Variants in RNF17 observed in about 807,000 individuals in gnomAD.
RNF17 encodes spermatogenesis associated 23.
In RNF17, 31 loss-of-function variants were observed where a neutral mutation model predicts 200.5. The ratio of observed to expected loss-of-function variants is 0.15; its 90% CI spans 0.12 to 0.21. RNF17 has a LOEUF of 0.21. RNF17 is among the 10% of genes least tolerant of loss of function. RNF17 has a pLI of 1.00. For synonymous variants in RNF17, 606 were observed against 637.8 expected, an observed-to-expected ratio of 0.95 and a Z score of 0.75; for missense variants, 1,628 against 1,905.1, an observed-to-expected ratio of 0.85 and a Z score of 2.71.
In RNF17 at chr13:24,802,397, A is replaced by G; in HGVS notation, c.1775A>G (p.Glu592Gly). 1 of 1,612,394 alleles carries G rather than the reference A, an allele frequency of 6.2e-7. No homozygotes were observed. Among genetic ancestry groups the G allele is most frequent in the Non-Finnish European group, 8.5e-7 (1 of 1,179,360 alleles). The part of the protein sequence containing the change: ...VPQNSNEGWE[E>G]EAKVEFLKMV... ...CTTGCACAGAATGAAGGCTGGGAAG[A>G]GGAAGCTAAAGTGGAATTTTTGAAA... The change falls in exon 14 of 36, where the codon GAG becomes GGG. Residue 592 changes from glutamate to glycine, a missense_variant. By Grantham distance (98) the Glu-to-Gly change is moderately conservative. This residue lies in a region of RNF17 where 289 missense variants were observed against 384.9 expected (regional missense o/e 0.75). Coordinates refer to ENST00000255324, the MANE Select transcript of RNF17 (RefSeq NM_031277.3).
At chr13:24,840,396 G>A (rs1309151076) in intron 18 of RNF17, among the ~76,000 whole-genome samples, 1 of 152,128 alleles carries the variant, frequency 6.6e-6, no homozygotes, top group African/African-American at 2.4e-5. Context: ...AGGAAAAGAA[G>A]TCATTATTCG....
intron 33 of RNF17, among the ~76,000 whole-genome samples, chr13:24,875,384 C>A (rs185610104): frequency 6.6e-4 from 101 of 152,202 alleles, no homozygotes; most frequent in Non-Finnish European, 1.2e-3. Context: ...GAAGATGAAG[C>A]CCATAGCAGT....
At chr13:24,885,705 T>C in the RNF17 span, 3 of 1,478,082 alleles carry the variant, frequency 2.0e-6, no homozygotes, top group Non-Finnish European at 2.8e-6. Flanking sequence ...TTAGATTTAA[T>C]ATTTAATTGA....
chr13:24,835,241 C>G (rs9511467), intron 18 of RNF17, among the ~76,000 whole-genome samples: 35,081 of 151,706 alleles, frequency 0.23, 4,533 homozygotes, highest in Non-Finnish European at 0.29. Flanking sequence ...CCCTACCCCC[C>G]CTGGTAGCTG....
intron 15 of RNF17, among the ~76,000 whole-genome samples, chr13:24,820,188 C>G (rs1426456756): frequency 6.7e-6 from 1 of 148,340 alleles, no homozygotes; most frequent in East Asian, 2.0e-4. Context: ...GTGGCACGAT[C>G]TCTGCTCACT....
chr13:24,752,839 G>A, the RNF17 span, among the ~76,000 whole-genome samples: 50 of 152,356 alleles, frequency 3.3e-4, no homozygotes, highest in Middle Eastern at 3.4e-3. Flanking sequence ...AAGTTGGATT[G>A]TTTGTTCCCT....
chr13:24,867,754 G>T, intron 30 of RNF17, among the ~76,000 whole-genome samples: 1 of 152,152 alleles, frequency 6.6e-6, no homozygotes, highest in East Asian at 1.9e-4. Context: ...CAATTGCTGG[G>T]TGCCGTGATC....
At chr13:24,862,396 T>C (rs1893188510) in intron 27 of RNF17, among the ~76,000 whole-genome samples, 1 of 152,234 alleles carries the variant, frequency 6.6e-6, no homozygotes, top group Non-Finnish European at 1.5e-5. Context: ...GTACAAGCAC[T>C]GCATTGGCAT....
chr13:24,751,942 G>A, the RNF17 span: 1 of 152,156 alleles, frequency 6.6e-6, no homozygotes, highest in East Asian at 1.9e-4. Flanking sequence ...TGTACAGCAG[G>A]CGTGAAGGCT....
intron 10 of RNF17, 112 bp downstream of exon 10, chr13:24,793,458 A>T: frequency 1.0e-6 from 1 of 973,998 alleles, no homozygotes; most frequent in East Asian, 2.5e-5. Context: ...TTATAATCTT[A>T]TTCCTCATTA....
intron 18 of RNF17, among the ~76,000 whole-genome samples, chr13:24,834,607 A>T (rs989466234): frequency 5.9e-5 from 9 of 152,250 alleles, no homozygotes; most frequent in African/African-American, 2.2e-4. Context: ...GAAGTTTCCA[A>T]CTTTACCTGG....
At chr13:24,759,499 G>C (rs1878507772), upstream of RNF17, among the ~76,000 whole-genome samples, 1 of 152,100 alleles carries the variant, frequency 6.6e-6, no homozygotes, top group African/African-American at 2.4e-5. Context: ...GTTAAACAGA[G>C]GAATCAAGAA....
chr13:24,776,756 G>A (rs1487969679), intron 3 of RNF17, among the ~76,000 whole-genome samples: 2 of 152,164 alleles, frequency 1.3e-5, no homozygotes, highest in African/African-American at 2.4e-5. Flanking sequence ...CACCCCCTCT[G>A]AAGGAGGCAG....
chr13:24,836,167 CA>C (rs1229968172), intron 18 of RNF17, among the ~76,000 whole-genome samples: 31 of 152,148 alleles, frequency 2.0e-4, no homozygotes, highest in African/African-American at 6.3e-4. Flanking sequence ...ACGACCAAAC[CA>C]TAGACTTCTC....
intron 23 of RNF17, among the ~76,000 whole-genome samples, chr13:24,851,133 T>C (rs1288962566): frequency 6.6e-6 from 1 of 152,222 alleles, no homozygotes; most frequent in Non-Finnish European, 1.5e-5. Context: ...TAGCTGGGAC[T>C]ACAGGCATGC....
chr13:24,759,408 AAAAT>A (rs1293260213), upstream of RNF17, among the ~76,000 whole-genome samples: 1 of 152,254 alleles, frequency 6.6e-6, no homozygotes, highest in Non-Finnish European at 1.5e-5. Flanking sequence ...CTTCTGGACC[AAAAT>A]AAATTGCTAA....
chr13:24,813,711 G>C (rs1254968384), intron 15 of RNF17, among the ~76,000 whole-genome samples: 1 of 151,256 alleles, frequency 6.6e-6, no homozygotes. Context: ...GCTTACTGCA[G>C]CCTGGAACTC....
intron 16 of RNF17, among the ~76,000 whole-genome samples, chr13:24,826,788 C>T (rs1234111705): frequency 3.4e-5 from 5 of 147,746 alleles, no homozygotes; most frequent in East Asian, 4.2e-4. Context: ...AGGCCGGGTG[C>T]GGTGGCTCAC....
At chr13:24,823,456 G>A (rs1270997705) in intron 15 of RNF17, among the ~76,000 whole-genome samples, 1 of 152,172 alleles carries the variant, frequency 6.6e-6, no homozygotes, top group Non-Finnish European at 1.5e-5. Flanking sequence ...TGTCATGTAT[G>A]ATCACTGAAG....
Sources: gnomAD v4.1 joint callset for allele counts (sites outside exome capture counted in the v4.1 genomes callset) on GRCh38, gnomAD v4.1.1 for gene constraint, gnomAD v4.1.1 regional missense constraint, MANE v1.5 for transcripts, NCBI Gene and HGNC (gene_info 2026-07-23, HGNC 2026-07-21) for gene names.